Variants in CDH18 observed in about 807,000 individuals in gnomAD.
CDH18 encodes cadherin-18.
A neutral mutation model predicts 67.9 loss-of-function variants in CDH18; 31 were observed. That is an observed-to-expected ratio of 0.46 (90% CI 0.34 to 0.62). The LOEUF is 0.62. Among genes scored for constraint, CDH18 ranks in the 20% least tolerant of loss-of-function variants. The pLI is 0.01. For missense variants in CDH18, 890 were observed against 975.5 expected (o/e 0.91, Z 1.17); for synonymous variants, 362 against 347.2 (o/e 1.04, Z -0.48).
intron 9 of CDH18, among the ~76,000 whole-genome samples, chr5:19,528,631 C>T (rs1018780149): frequency 4.0e-5 from 6 of 151,836 alleles, no homozygotes; most frequent in African/African-American, 1.4e-4. Flanking sequence ...GTTAACACCA[C>T]CATTCTTGTA....
chr5:20,166,397 C>A (rs111931159), intron 2 of CDH18, among the ~76,000 whole-genome samples: 3,298 of 144,268 alleles, frequency 0.023, 112 homozygotes, highest in African/African-American at 0.079. Flanking sequence ...CCAAGATAGC[C>A]CCTTTGCACT....
intron 1 of CDH18, among the ~76,000 whole-genome samples, chr5:20,471,631 CTCTACTAAA>C (rs1018814026): frequency 6.6e-5 from 10 of 151,600 alleles, no homozygotes; most frequent in African/African-American, 2.2e-4. Context: ...GAAACGCAGT[CTCTACTAAA>C]AATACAAAAA....
chr5:19,567,984 A>G (rs2149917270), intron 8 of CDH18, among the ~76,000 whole-genome samples: 1 of 152,336 alleles, frequency 6.6e-6, no homozygotes, highest in Non-Finnish European at 1.5e-5. Context: ...TATGATTTGT[A>G]TATATAGACA....
At chr5:20,131,874 G>T (rs922758139) in intron 2 of CDH18, among the ~76,000 whole-genome samples, 1 of 150,604 alleles carries the variant, frequency 6.6e-6, no homozygotes, top group African/African-American at 2.4e-5. Context: ...ACAATAAAGT[G>T]TTTTTTTTTG....
chr5:19,633,849 C>T (rs868731207), intron 5 of CDH18, among the ~76,000 whole-genome samples: 41 of 152,114 alleles, frequency 2.7e-4, no homozygotes, highest in Admixed American at 1.8e-3. Context: ...CCAGGCTGGC[C>T]TCGAACTCCT....
At chr5:20,471,775 A>T in intron 1 of CDH18, among the ~76,000 whole-genome samples, 1 of 130,276 alleles carries the variant, frequency 7.7e-6, no homozygotes, top group Non-Finnish European at 1.6e-5. Context: ...GCACTCCAGC[A>T]CTCCAGCCTG....
chr5:20,497,410 G>A (rs1005806909), intron 1 of CDH18, among the ~76,000 whole-genome samples: 4 of 152,030 alleles, frequency 2.6e-5, no homozygotes, highest in Non-Finnish European at 4.4e-5. Context: ...ATTTAGATAC[G>A]CTTAGATACA....
chr5:19,950,036 A>G (rs1795641034), intron 2 of CDH18, among the ~76,000 whole-genome samples: 1 of 151,190 alleles, frequency 6.6e-6, no homozygotes, highest in African/African-American at 2.4e-5. Flanking sequence ...TAAATATCAC[A>G]TTGAATAAAT....
intron 5 of CDH18, among the ~76,000 whole-genome samples, chr5:19,620,580 TGA>T: frequency 6.6e-6 from 1 of 152,104 alleles, no homozygotes; most frequent in East Asian, 1.9e-4. Flanking sequence ...AGAAGCAGAA[TGA>T]GAGAGGGGGG....
chr5:20,215,803 G>A (rs989981540), intron 2 of CDH18, among the ~76,000 whole-genome samples: 2 of 151,946 alleles, frequency 1.3e-5, no homozygotes, highest in Non-Finnish European at 2.9e-5. Flanking sequence ...CATTAGAAAA[G>A]AATGAGATCA....
At chr5:20,092,940 T>C (rs1462716842) in intron 2 of CDH18, among the ~76,000 whole-genome samples, 1 of 152,172 alleles carries the variant, frequency 6.6e-6, no homozygotes, top group African/African-American at 2.4e-5. Flanking sequence ...AATTTACTAC[T>C]GATTAAGTTA....
chr5:19,769,022 T>G (rs1002746546), intron 3 of CDH18, among the ~76,000 whole-genome samples: 2 of 151,086 alleles, frequency 1.3e-5, no homozygotes, highest in African/African-American at 4.9e-5. Flanking sequence ...TTCAGTCTAA[T>G]AAAGAGAAAG....
intron 2 of CDH18, among the ~76,000 whole-genome samples, chr5:20,249,031 A>C (rs1471488420): frequency 1.3e-5 from 2 of 152,200 alleles, no homozygotes; most frequent in Non-Finnish European, 2.9e-5. Flanking sequence ...TAAGAAAGTC[A>C]TATAGAAATA....
chr5:20,523,015 C>T, intron 1 of CDH18, among the ~76,000 whole-genome samples: 1 of 152,074 alleles, frequency 6.6e-6, no homozygotes, highest in East Asian at 1.9e-4. Flanking sequence ...AGACATGAAA[C>T]CACAAGATGT....
intron 1 of CDH18, among the ~76,000 whole-genome samples, chr5:20,316,378 T>C (rs1473424924): frequency 1.3e-5 from 2 of 152,100 alleles, no homozygotes; most frequent in African/African-American, 2.4e-5. Context: ...TAAGTGATTA[T>C]AATATTGTGG....
chr5:20,225,427 A>G (rs1741543982), intron 2 of CDH18, among the ~76,000 whole-genome samples: 1 of 152,102 alleles, frequency 6.6e-6, no homozygotes, highest in African/African-American at 2.4e-5. Context: ...GAGAGTAGAT[A>G]AAAAAAGACC....
intron 2 of CDH18, among the ~76,000 whole-genome samples, chr5:20,076,386 T>C (rs1743942447): frequency 6.6e-6 from 1 of 152,136 alleles, no homozygotes; most frequent in African/African-American, 2.4e-5. Flanking sequence ...GTCTATTTGT[T>C]TTTATCTTCA....
rs184933928 is a variant in CDH18 at position 20,182,428 on chromosome 5, C to T, written c.-518+73016G>A. Among the ~76,000 whole-genome samples the T allele has an allele frequency of 1.6e-3, 245 of 151,586 alleles. 2 individuals carry two copies. Among genetic ancestry groups the T allele is most frequent in the African/African-American group, 5.7e-3 (237 of 41,340 alleles). On this transcript the variant is annotated intron_variant, in intron 2 of 14. Coordinates refer to the CDH18 transcript ENST00000507958. ...GACCAGCCTGACCAAAATGGAGAAA[C>T]CCCGTCTCTACTAAAAATACAAAAT...
At chr5:20,405,887 C>T (rs1352665366) in intron 1 of CDH18, among the ~76,000 whole-genome samples, 3 of 152,038 alleles carry the variant, frequency 2.0e-5, no homozygotes, top group Non-Finnish European at 4.4e-5. Context: ...AATGAGATAC[C>T]ATCTCACACC....
Sources: allele counts gnomAD v4.1 joint callset (sites outside exome capture counted in the v4.1 genomes callset), GRCh38; gene constraint gnomAD v4.1.1; transcripts MANE v1.5; gene names NCBI Gene and HGNC (gene_info 2026-07-23, HGNC 2026-07-21).